The following RANBP2 variants were observed in gnomAD, a reference collection of about 807,000 sequenced individuals.
RANBP2 encodes RAN binding protein 2, also known as E3 SUMO-protein ligase RanBP2.
RANBP2 carries 57 observed loss-of-function variants against 303.6 expected under a neutral mutation model. The ratio of observed to expected loss-of-function variants is 0.19; its 90% CI spans 0.15 to 0.23. The LOEUF (loss-of-function observed/expected upper bound fraction) is 0.23. Ranked by LOEUF, RANBP2 falls within the 10% of genes least tolerant of loss-of-function variation. The pLI is 1.00. For synonymous variants in RANBP2, 1,167 were observed against 1,301.5 expected (o/e 0.90, Z 2.23); for missense variants, 3,138 against 3,780.8 (o/e 0.83, Z 4.46).
chr2:108,861,612 C>G, the RANBP2 span, among the ~76,000 whole-genome samples: 1 of 151,750 alleles, frequency 6.6e-6, no homozygotes, highest in Admixed American at 6.6e-5. Context: ...TCCTGAGTAG[C>G]TGGGACTACA....
chr2:108,803,718 A>G, the RANBP2 span, among the ~76,000 whole-genome samples: 1 of 152,160 alleles, frequency 6.6e-6, no homozygotes, highest in African/African-American at 2.4e-5. Flanking sequence ...TTGCTTCTAC[A>G]AGTTTTCTCT....
At chr2:109,251,146 G>A in the RANBP2 span, among the ~76,000 whole-genome samples, 1 of 151,916 alleles carries the variant, frequency 6.6e-6, no homozygotes, top group African/African-American at 2.4e-5. Context: ...GGGATTACAG[G>A]CATCTGCCAC....
the RANBP2 span, among the ~76,000 whole-genome samples, chr2:109,675,989 G>A: frequency 3.5e-3 from 529 of 152,354 alleles, 2 homozygotes; most frequent in African/African-American, 0.012. Context: ...TAGCCAGTGA[G>A]GAAGACTAGA....
At chr2:109,572,321 G>A in the RANBP2 span, among the ~76,000 whole-genome samples, 73 of 152,288 alleles carry the variant, frequency 4.8e-4, no homozygotes, top group African/African-American at 1.3e-3. Flanking sequence ...TTTTAGTAGA[G>A]ACGGGGTTTC....
At chr2:109,389,432 CAT>C in the RANBP2 span, among the ~76,000 whole-genome samples, 3 of 152,216 alleles carry the variant, frequency 2.0e-5, no homozygotes, top group Admixed American at 6.5e-5. Flanking sequence ...GGGCATACCG[CAT>C]GAGTGTGTGA....
rs749941285 is a variant in RANBP2, at chr2:108,753,137, A to C, written c.1895A>C (p.His632Pro). The change falls in exon 13 of 29, where the codon CAT (histidine) becomes CCT (proline). Residue 632 changes from histidine to proline, a missense_variant. This residue lies in a region of RANBP2 where 162 missense variants were observed against 286.9 expected (regional missense o/e 0.56). Coordinates refer to ENST00000283195, the MANE Select transcript of RANBP2 (RefSeq NM_006267.5). ...IPEPIDPLFKHFHSVDIQASE... is the reference protein window; with the variant it reads ...IPEPIDPLFKPFHSVDIQASE... ...GAACCTATTGATCCTCTGTTTAAAC[A>C]TTTTCATAGTGTAGACATTCAGGTA... is the stretch of plus-strand genomic sequence containing the variant. 3 of 1,608,678 alleles carry C rather than the reference A, an allele frequency of 1.9e-6. No homozygotes were observed. The African/African-American group carries it at 4.0e-5, about 22-fold the overall frequency.
At chr2:108,873,403 C>T in the RANBP2 span, 3 of 1,420,908 alleles carry the variant, frequency 2.1e-6, no homozygotes, top group Non-Finnish European at 2.8e-6. Context: ...TTTTAATTTC[C>T]TTTTTCGCTA....
At chr2:108,755,903 T>G (rs1369668349) in intron 17 of RANBP2, among the ~76,000 whole-genome samples, 2 of 152,146 alleles carry the variant, frequency 1.3e-5, no homozygotes, top group African/African-American at 4.8e-5. Context: ...TTTGTATGTT[T>G]AGTAGACACA....
chr2:108,912,109 C>T, the RANBP2 span, among the ~76,000 whole-genome samples: 95 of 152,236 alleles, frequency 6.2e-4, 1 homozygote, highest in African/African-American at 2.1e-3. Context: ...CTGGAGGGTA[C>T]CTCACGGCTC....
the RANBP2 span, among the ~76,000 whole-genome samples, chr2:108,897,576 C>A: frequency 1.3e-5 from 2 of 152,088 alleles, no homozygotes; most frequent in Non-Finnish European, 2.9e-5. Context: ...ACCCTGTCTC[C>A]CATGGGGCTG....
chr2:109,609,418 G>T, the RANBP2 span, among the ~76,000 whole-genome samples: 1 of 152,130 alleles, frequency 6.6e-6, no homozygotes, highest in African/African-American at 2.4e-5. Context: ...GATGCAAAAG[G>T]TTAACAATAC....
At chr2:108,930,343 TG>T in the RANBP2 span, 2 of 1,399,886 alleles carry the variant, frequency 1.4e-6, no homozygotes, top group Non-Finnish European at 2.0e-6. Context: ...TGCCCTGCGG[TG>T]GGGGCTCTGC....
At chr2:108,856,652 T>C in the RANBP2 span, 1 of 718,928 alleles carries the variant, frequency 1.4e-6, no homozygotes, top group Non-Finnish European at 2.3e-6. Context: ...AGTTAGAATC[T>C]AAATTTAGAC....
chr2:108,876,588 A>G, the RANBP2 span: 1 of 162,158 alleles, frequency 6.2e-6, no homozygotes. Flanking sequence ...ACAGGGTTAA[A>G]TAATACTGTC....
the RANBP2 span, chr2:108,906,245 G>C: frequency 1.3e-6 from 2 of 1,582,888 alleles, no homozygotes; most frequent in African/African-American, 2.7e-5. Flanking sequence ...TCAGGGCTCC[G>C]GGCCCAGCCC....
chr2:109,222,300 A>T, the RANBP2 span, among the ~76,000 whole-genome samples: 4 of 152,224 alleles, frequency 2.6e-5, no homozygotes, highest in Non-Finnish European at 4.4e-5. Flanking sequence ...TGATTAGTTA[A>T]CAACAATTTA....
At chr2:109,691,771 T>C in the RANBP2 span, among the ~76,000 whole-genome samples, 1 of 108,996 alleles carries the variant, frequency 9.2e-6, no homozygotes, top group Non-Finnish European at 1.8e-5. Context: ...CCCTGGAAAG[T>C]TCATGATCAG....
the RANBP2 span, among the ~76,000 whole-genome samples, chr2:109,494,173 A>C: frequency 0.26 from 38,790 of 152,084 alleles, 5,300 homozygotes; most frequent in East Asian, 0.5. Flanking sequence ...AATAAAAAGT[A>C]TTGAAAGACC....
chr2:108,785,645 AGAAAGTCTTT>A lies in RANBP2; in HGVS notation c.*1746_*1755del, dbSNP rs1678571304. The A allele has an allele frequency of 6.6e-6, 1 of 152,182 alleles. No homozygotes were observed. Among genetic ancestry groups the A allele is most frequent in the African/African-American group, 2.4e-5 (1 of 41,446 alleles). The allele number at this position is 152,182 out of a possible 1,614,324, so 9.4% of individuals were successfully genotyped here. A position where few individuals can be genotyped will look rare whatever the true frequency, so the allele number is the denominator to read the frequency against. ...TTAAAAGTGGCTTGTGGCATTTATG[AGAAAGTCTTT>A]GTGTCACATTTCAGGAAAGGACTTT... On this transcript the variant is annotated 3_prime_UTR_variant, in exon 29 of 29. Coordinates refer to ENST00000283195, the MANE Select transcript of RANBP2 (RefSeq NM_006267.5).
Sources: gnomAD v4.1 joint callset for allele counts (sites outside exome capture counted in the v4.1 genomes callset) on GRCh38, gnomAD v4.1.1 for gene constraint, gnomAD v4.1.1 regional missense constraint, MANE v1.5 for transcripts, NCBI Gene and HGNC (gene_info 2026-07-23, HGNC 2026-07-21) for gene names.